Variants in RANBP2 observed in about 807,000 individuals in gnomAD.
RANBP2 encodes the protein RAN binding protein 2.
A neutral mutation model predicts 303.6 loss-of-function variants in RANBP2; 57 were observed. That is an observed-to-expected ratio of 0.19 (90% CI 0.15 to 0.23). The LOEUF is 0.23. RANBP2 is among the 10% of genes least tolerant of loss of function. RANBP2 has a pLI of 1.00. For missense variants in RANBP2, 3,138 were observed against 3,780.8 expected (o/e 0.83, Z 4.46); for synonymous variants, 1,167 against 1,301.5 (o/e 0.90, Z 2.23).
chr2:109,487,779 A>G, the RANBP2 span, among the ~76,000 whole-genome samples: 1 of 152,062 alleles, frequency 6.6e-6, no homozygotes, highest in South Asian at 2.1e-4. Flanking sequence ...CAGGGGCCAG[A>G]AGGGCTCTCC....
chr2:109,532,756 C>G, the RANBP2 span, among the ~76,000 whole-genome samples: 3 of 151,932 alleles, frequency 2.0e-5, no homozygotes, highest in African/African-American at 7.2e-5. Context: ...CTAATAACCT[C>G]CTGACAGATC....
chr2:109,100,315 T>C, the RANBP2 span, among the ~76,000 whole-genome samples: 1 of 152,232 alleles, frequency 6.6e-6, no homozygotes, highest in Non-Finnish European at 1.5e-5. Flanking sequence ...TAGATTCTCA[T>C]AGGAGTGTGA....
At chr2:108,908,153 T>C in the RANBP2 span, 1 of 1,008,830 alleles carries the variant, frequency 9.9e-7, no homozygotes, top group Non-Finnish European at 1.4e-6. Flanking sequence ...AGGTGTTTAC[T>C]GGGCACCTTG....
the RANBP2 span, among the ~76,000 whole-genome samples, chr2:108,809,240 T>C: frequency 6.6e-6 from 1 of 152,178 alleles, no homozygotes; most frequent in Non-Finnish European, 1.5e-5. Context: ...ATTTTGAGTT[T>C]AGGTAGTGTA....
At chr2:108,872,206 A>G in the RANBP2 span, among the ~76,000 whole-genome samples, 2 of 152,044 alleles carry the variant, frequency 1.3e-5, no homozygotes, top group African/African-American at 4.8e-5. Flanking sequence ...GAGTCTGATC[A>G]TTTTCTCTTC....
chr2:109,213,427 G>A, the RANBP2 span, among the ~76,000 whole-genome samples: 26 of 152,234 alleles, frequency 1.7e-4, no homozygotes. Context: ...GGAAGAAAGT[G>A]TTCCCAGAAG....
the RANBP2 span, among the ~76,000 whole-genome samples, chr2:108,974,801 C>T: frequency 2.0e-5 from 3 of 152,232 alleles, no homozygotes; most frequent in South Asian, 2.1e-4. Context: ...GTAGAGGGAA[C>T]TTGAAATAGC....
chr2:109,209,895 TC>T, the RANBP2 span, among the ~76,000 whole-genome samples: 8 of 152,072 alleles, frequency 5.3e-5, no homozygotes, highest in East Asian at 1.9e-4. Context: ...ATTAAGTACG[TC>T]CCCCCTGTTT....
chr2:109,524,106 C>T, the RANBP2 span, among the ~76,000 whole-genome samples: 2 of 152,312 alleles, frequency 1.3e-5, no homozygotes, highest in Admixed American at 6.5e-5. Context: ...ACTCCGTGGG[C>T]CTCCGTTCTG....
chr2:109,538,507 T>C, the RANBP2 span, among the ~76,000 whole-genome samples: 1 of 152,206 alleles, frequency 6.6e-6, no homozygotes, highest in Admixed American at 6.5e-5. Context: ...CTGACCTTCA[T>C]GGGAACTTTA....
chr2:108,743,433 C>T (rs1477997726), intron 7 of RANBP2, among the ~76,000 whole-genome samples: 1 of 152,134 alleles, frequency 6.6e-6, no homozygotes, highest in Admixed American at 6.6e-5. Context: ...GCCACCATGC[C>T]TGGCTACATT....
At chr2:109,432,751 C>T in the RANBP2 span, 1 of 1,502,094 alleles carries the variant, frequency 6.7e-7, no homozygotes, top group Non-Finnish European at 8.9e-7. Flanking sequence ...CTGCTGGAGG[C>T]TACTCTGTCA....
the RANBP2 span, among the ~76,000 whole-genome samples, chr2:109,456,789 G>A: frequency 1.3e-5 from 2 of 152,342 alleles, no homozygotes; most frequent in East Asian, 1.9e-4. Flanking sequence ...GTAGGGCACT[G>A]GGAATGAAAC....
chr2:109,448,559 A>G, the RANBP2 span, among the ~76,000 whole-genome samples: 3 of 152,176 alleles, frequency 2.0e-5, no homozygotes, highest in African/African-American at 7.2e-5. Context: ...TCTAGGTTGC[A>G]CGCTCCTTAT....
chr2:109,143,313 T>C, the RANBP2 span, among the ~76,000 whole-genome samples: 1 of 152,156 alleles, frequency 6.6e-6, no homozygotes, highest in African/African-American at 2.4e-5. Context: ...GACCATAGTT[T>C]GGATAAAAAA....
chr2:109,220,199 G>T, the RANBP2 span, among the ~76,000 whole-genome samples: 1 of 152,186 alleles, frequency 6.6e-6, no homozygotes. Context: ...TTAACAAATG[G>T]TGCTGGGAAA....
At chr2:109,126,296 G>A in the RANBP2 span, among the ~76,000 whole-genome samples, 1 of 152,194 alleles carries the variant, frequency 6.6e-6, no homozygotes, top group Non-Finnish European at 1.5e-5. Context: ...GGAAAGGTGG[G>A]CTTAAGTGGC....
chr2:109,613,868 G>A, the RANBP2 span: 1 of 1,230,982 alleles, frequency 8.1e-7, no homozygotes, highest in Non-Finnish European at 1.0e-6. Context: ...GTATCAGCCC[G>A]GCCCCGAGCG....
the RANBP2 span, among the ~76,000 whole-genome samples, chr2:109,085,658 T>A: frequency 6.9e-6 from 1 of 145,928 alleles, no homozygotes; most frequent in Non-Finnish European, 1.5e-5. Context: ...TGGAGTGTAA[T>A]GGCACAATCT....
Sources: allele counts gnomAD v4.1 joint callset (sites outside exome capture counted in the v4.1 genomes callset), GRCh38; gene constraint gnomAD v4.1.1; transcripts MANE v1.5; gene names NCBI Gene and HGNC (gene_info 2026-07-23, HGNC 2026-07-21).